The following NFIB variants were observed in gnomAD, a reference collection of about 807,000 sequenced individuals.
NFIB encodes nuclear factor 1 B-type.
Under a neutral mutation model 61.5 loss-of-function variants are expected in NFIB, and 11 were observed. The ratio of observed to expected loss-of-function variants is 0.18; its 90% CI spans 0.11 to 0.30. The LOEUF (loss-of-function observed/expected upper bound fraction) is 0.30, where lower values mean the gene tolerates loss of function less well. Among genes scored for constraint, NFIB ranks in the 10% least tolerant of loss-of-function variants. The pLI, the probability that NFIB is intolerant of heterozygous loss-of-function variation, is 1.00. For synonymous variants in NFIB, 260 were observed against 216.5 expected (o/e 1.20, Z -1.76); for missense variants, 471 against 608.9 (o/e 0.77, Z 2.38).
At chr9:14,323,689 T>C (rs1166091765) in intron 1 of NFIB, among the ~76,000 whole-genome samples, 2 of 152,242 alleles carry the variant, frequency 1.3e-5, no homozygotes, top group Non-Finnish European at 2.9e-5. Context: ...CTACTAAATG[T>C]GAGCACGTCA....
At chr9:14,424,408 A>G in the NFIB span, among the ~76,000 whole-genome samples, 2 of 152,228 alleles carry the variant, frequency 1.3e-5, no homozygotes, top group Admixed American at 6.5e-5. Context: ...AGAACACATT[A>G]GCATATTAAA....
rs71321982 is a variant in NFIB at position 14,347,588 on chromosome 9, G to GGGGAGAA, written c.109-40075_109-40069dup. Among the ~76,000 whole-genome samples the GGGGAGAA allele has an allele frequency of 5.3e-3, 806 of 151,386 alleles. 7 individuals are homozygous for GGGGAGAA. The highest frequency in any genetic ancestry group is 0.012 in the African/African-American group (509 of 41,184). ...GAGTGAGCTGGGTGCGATTGGGAGA[G>GGGGAGAA]GGGAGAAGGGAGAAGGGAAGGAGTG... On this transcript the variant is annotated intron_variant, in intron 1 of 8. Transcript: ENST00000380934.
rs149448088 is a variant in NFIB, at chr9:14,281,756, A to G, written c.562+25233T>C. 3.7e-3 allele frequency among the ~76,000 whole-genome samples: 556 copies of G among 152,328 alleles called. 3 individuals carry two copies. The highest frequency in any genetic ancestry group is 0.01 in the Middle Eastern group (3 of 294). On this transcript the variant is annotated intron_variant, in intron 2 of 10. Coordinates refer to ENST00000380953, the MANE Select transcript of NFIB (RefSeq NM_001190737.2). ...TAAACAGCATGCTCCAGGGCATGTC[A>G]GGTCACTTATGACCTTGACTAAATG...
In NFIB at chr9:14,116,192, G is replaced by A. The variant is rs749551619; in HGVS notation, c.1384+16C>T. 5.4e-6 allele frequency: 8 copies of A among 1,488,736 alleles called. No individual in the cohort carries two copies. The highest frequency in any genetic ancestry group is 7.2e-6 in the Non-Finnish European group (8 of 1,112,202). 92.2% of individuals were successfully genotyped at this position (1,488,736 alleles called of 1,614,324 possible). A position where few individuals can be genotyped will look rare whatever the true frequency, so the allele number is the denominator to read the frequency against. On this transcript the variant is annotated intron_variant, in intron 9 of 10. Coordinates refer to ENST00000380953, the MANE Select transcript of NFIB (RefSeq NM_001190737.2). ...ATGGAAATACTTACTGGTTGCTGTA[G>A]GTGAAGCTGCCTCACCTTCAGTGGA... is the stretch of plus-strand genomic sequence containing the variant.
At chr9:14,223,143 G>A (rs2051907280) in intron 2 of NFIB, among the ~76,000 whole-genome samples, 1 of 152,164 alleles carries the variant, frequency 6.6e-6, no homozygotes, top group South Asian at 2.1e-4. Context: ...AAGCGATCCT[G>A]GGTCACATGC....
chr9:14,433,291 G>T, the NFIB span, among the ~76,000 whole-genome samples: 1 of 152,020 alleles, frequency 6.6e-6, no homozygotes, highest in Non-Finnish European at 1.5e-5. Context: ...TGCCATATAT[G>T]GACATTATTT....
chr9:14,195,650 G>A (rs1395674010), intron 2 of NFIB, among the ~76,000 whole-genome samples: 1 of 152,186 alleles, frequency 6.6e-6, no homozygotes, highest in Non-Finnish European at 1.5e-5. Flanking sequence ...TTTGGCTACA[G>A]CAATCTGGAT....
chr9:14,336,400 C>T (rs2060886168), intron 1 of NFIB, among the ~76,000 whole-genome samples: 1 of 152,218 alleles, frequency 6.6e-6, no homozygotes, highest in Non-Finnish European at 1.5e-5. Flanking sequence ...AGCTGAGCAC[C>T]TGACATTTTT....
chr9:14,155,922 T>C (rs2043343993), intron 3 of NFIB, 29 bp from the exon 4 acceptor site: 1 of 1,350,022 alleles, frequency 7.4e-7, no homozygotes, highest in South Asian at 1.3e-5. Context: ...GGAAAAATGA[T>C]CAATATAAGC....
the NFIB span, among the ~76,000 whole-genome samples, chr9:14,511,263 TTGTG>T: frequency 6.6e-6 from 1 of 152,130 alleles, no homozygotes; most frequent in Non-Finnish European, 1.5e-5. Flanking sequence ...TTATATTTTT[TTGTG>T]TGTATGTTTA....
At chr9:14,263,921 T>C (rs1162019174) in intron 2 of NFIB, among the ~76,000 whole-genome samples, 1 of 152,226 alleles carries the variant, frequency 6.6e-6, no homozygotes, top group Admixed American at 6.6e-5. Flanking sequence ...CTCCTAAAAC[T>C]TGCTGGAGGC....
At chr9:14,494,164 T>C in the NFIB span, among the ~76,000 whole-genome samples, 1 of 152,198 alleles carries the variant, frequency 6.6e-6, no homozygotes, top group Non-Finnish European at 1.5e-5. Context: ...GCAAGTGGTA[T>C]TTGTCCATTT....
At chr9:14,372,713 G>A (rs577870752) in intron 1 of NFIB, among the ~76,000 whole-genome samples, 4 of 152,192 alleles carry the variant, frequency 2.6e-5, no homozygotes, top group East Asian at 3.9e-4. Flanking sequence ...GTGGTCCAGC[G>A]GGTGCCCTGC....
At chr9:14,392,791 C>T (rs1455223282) in intron 1 of NFIB, among the ~76,000 whole-genome samples, 1 of 152,032 alleles carries the variant, frequency 6.6e-6, no homozygotes, top group Admixed American at 6.6e-5. Flanking sequence ...TAACACCAAA[C>T]TTAAAGCGTT....
intron 8 of NFIB, 113 bp from the exon 9 acceptor site, chr9:14,116,459 C>T: frequency 9.2e-7 from 1 of 1,090,156 alleles, no homozygotes; most frequent in Non-Finnish European, 1.2e-6. Flanking sequence ...CGCATAGGCG[C>T]CACACAGGCC....
intron 2 of NFIB, among the ~76,000 whole-genome samples, chr9:14,259,675 C>A (rs954022745): frequency 3.3e-5 from 5 of 151,986 alleles, no homozygotes; most frequent in African/African-American, 1.2e-4. Context: ...CAAAGGCAGG[C>A]GGATCACTTG....
At chr9:14,112,004 A>C (rs938262107) in intron 10 of NFIB, among the ~76,000 whole-genome samples, 1 of 152,224 alleles carries the variant, frequency 6.6e-6, no homozygotes, top group Non-Finnish European at 1.5e-5. Context: ...GAACAGATCA[A>C]GAATGAAGTA....
chr9:14,405,109 C>G, the NFIB span, among the ~76,000 whole-genome samples: 1 of 152,192 alleles, frequency 6.6e-6, no homozygotes, highest in Non-Finnish European at 1.5e-5. Context: ...CAGGTCTGAT[C>G]CATAAAGTCC....
At chr9:14,189,004 T>A (rs1264371676) in intron 2 of NFIB, among the ~76,000 whole-genome samples, 1 of 152,184 alleles carries the variant, frequency 6.6e-6, no homozygotes. Context: ...ATCCTATTAG[T>A]CTTAAATTTT....
Sources: allele counts gnomAD v4.1 joint callset (sites outside exome capture counted in the v4.1 genomes callset), GRCh38; gene constraint gnomAD v4.1.1; transcripts MANE v1.5; gene names NCBI Gene and HGNC (gene_info 2026-07-23, HGNC 2026-07-21).